The following AMPD2 variants were observed in gnomAD, a reference collection of about 807,000 sequenced individuals.
AMPD2 encodes the protein AMP deaminase 2.
A neutral mutation model predicts 91.3 loss-of-function variants in AMPD2; 52 were observed. The ratio of observed to expected loss-of-function variants is 0.57; its 90% CI spans 0.46 to 0.72. AMPD2 has a LOEUF of 0.72. AMPD2 is among the 30% of genes least tolerant of loss of function. The pLI, the probability that AMPD2 is intolerant of heterozygous loss-of-function variation, is 0.00. For missense variants in AMPD2, 822 were observed against 1,122.3 expected (o/e 0.73, Z 3.82); for synonymous variants, 455 against 456.4 (o/e 1.00, Z 0.04).
At position 109,621,241 on chromosome 1, in the gene AMPD2, C is replaced by T. The variant is rs1193667116; in HGVS notation, c.66C>T (p.Ser22=). Residue 22 remains serine, a synonymous_variant, in exon 2 of 19, where the codon AGC becomes AGT. Coordinates refer to ENST00000528667, the MANE Select transcript of AMPD2 (RefSeq NM_001368809.2). ...AATATCCCTTTAAGAAGCGGGCCAG[C>T]CTGCAGGCCTCCACTGCAGCTCCAG... ...KAKYPFKKRA[S]LQASTAAPEA... The T allele has an allele frequency of 1.9e-6, 3 of 1,612,668 alleles. No individual in the cohort carries two copies. The African/African-American group carries it at 4.0e-5, about 22-fold the overall frequency.
In AMPD2 at chr1:109,628,210, G is replaced by C. The variant is rs754312171; in HGVS notation, c.1208G>C (p.Arg403Pro). Residue 403 changes from arginine (R) to proline (P), a missense_variant, in exon 11 of 19, where the codon CGG (arginine) becomes CCG (proline). Coordinates refer to ENST00000528667, the MANE Select transcript of AMPD2 (RefSeq NM_001368809.2). This position sits in a 1 kb window ranked among gnomAD's most constrained non-coding sequence, Gnocchi z 7.1. ...GAGCAGGGCCGTGAACAGACGCTGC[G>C]GGAGGTCTTTGAGAGCATGAATCTC... The part of the protein sequence containing the change: ...HVEQGREQTL[R>P]EVFESMNLTA... 2 of 1,614,026 alleles carry C rather than the reference G, an allele frequency of 1.2e-6. No homozygotes were observed. Among genetic ancestry groups the C allele is most frequent in the South Asian group, 2.2e-5 (2 of 91,072 alleles).
At position 109,631,795 on chromosome 1, in the gene AMPD2, G is replaced by T; in HGVS notation, c.*643G>T. The T allele has an allele frequency of 6.4e-6, 1 of 155,108 alleles. No homozygotes were observed. Among genetic ancestry groups the T allele is most frequent in the Admixed American group, 6.4e-5 (1 of 15,746 alleles). The allele number at this position is 155,108 out of a possible 1,614,324, so 9.6% of individuals were successfully genotyped here. A position where few individuals can be genotyped will look rare whatever the true frequency, so the allele number is the denominator to read the frequency against. On this transcript the variant is annotated 3_prime_UTR_variant, in exon 19 of 19. Coordinates refer to ENST00000528667, the MANE Select transcript of AMPD2 (RefSeq NM_001368809.2). ...CCTGTCCCCAGCCCACGTGCTCCTT[G>T]GGTGTCAGCTTCCTGTGCCTCTGTG...
In AMPD2 at chr1:109,625,897, A is replaced by G; in HGVS notation, c.353+105A>G. On this transcript the variant is annotated intron_variant, in intron 4 of 18. Transcript: ENST00000528667. The surrounding 1 kb of genome is among the most constrained non-coding windows in gnomAD (Gnocchi z 4.0). ...TCGCACCCTGCCTTGGGGGGTCTGC[A>G]CAGGGAGCATAGAGTGGGCTTTGGA... is the stretch of plus-strand genomic sequence containing the variant. The G allele has an allele frequency of 1.3e-6, 2 of 1,516,844 alleles. No individual in the cohort carries two copies. The highest frequency in any genetic ancestry group is 1.8e-6 in the Non-Finnish European group (2 of 1,123,770). 94.0% of individuals were successfully genotyped at this position (1,516,844 alleles called of 1,614,324 possible).
Position 109,628,744 on chromosome 1 carries a change from G to A in AMPD2, c.1509G>A (p.Trp503Ter). ...ATGAGTGGGACAAGCTGGCGCGCTG[G>A]GCCGTCATGCACCGCGTGCACTCCC... is the stretch of plus-strand genomic sequence containing the variant. ...SRDEWDKLAR[W>*]AVMHRVHSPN... The change falls in exon 13 of 19, where the codon TGG (tryptophan) becomes TGA (stop). Residue 503 changes from tryptophan to a stop codon, truncating the protein, a stop_gained. Transcript: ENST00000528667. LOFTEE classifies it high-confidence loss of function. The surrounding 1 kb of genome is among the most constrained non-coding windows in gnomAD (Gnocchi z 7.1). 1 of 1,602,736 alleles carries A rather than the reference G, an allele frequency of 6.2e-7. No individual in the cohort carries two copies. Among genetic ancestry groups the A allele is most frequent in the Non-Finnish European group, 8.5e-7 (1 of 1,174,134 alleles).
In AMPD2 at chr1:109,630,874, A is replaced by T. The variant is rs1651189013; in HGVS notation, c.2269-69A>T. 2.7e-5 allele frequency: 44 copies of T among 1,601,702 alleles called. 1 individual carries two copies. The South Asian group carries it at 4.8e-4, about 17-fold the overall frequency. ...TTTGGGGTCCTGACCTGTCCCTGGG[A>T]TGGCTTGGGGTGGGGCATGACCCCT... On this transcript the variant is annotated intron_variant, in intron 18 of 18. Coordinates refer to ENST00000528667, the MANE Select transcript of AMPD2 (RefSeq NM_001368809.2).
intron 2 of AMPD2, among the ~76,000 whole-genome samples, chr1:109,621,749 A>G (rs1057162828): frequency 3.3e-5 from 5 of 152,160 alleles, no homozygotes; most frequent in South Asian, 4.1e-4. Context: ...GGGCACAACC[A>G]TTGCTGGCTG....
At chr1:109,629,713 T>C (rs2101171295) in intron 15 of AMPD2, 83 bp from the exon 16 acceptor site, 3 of 1,450,898 alleles carry the variant, frequency 2.1e-6, no homozygotes, top group Non-Finnish European at 2.7e-6. Context: ...GGAGGACATA[T>C]GCGTGCTGGG....
In AMPD2 at chr1:109,624,155, C is replaced by T. The variant is rs868152382; in HGVS notation, c.92-1148C>T. ...TCCTGGATCTGGGGCAGGCCCCTCC[C>T]TCTTCCCTTTGTCCAGCTTTGGGAC... On this transcript the variant is annotated intron_variant, in intron 2 of 18. Transcript: ENST00000528667. This position sits in a 1 kb window ranked among gnomAD's most constrained non-coding sequence, Gnocchi z 5.2. 2 of 864,528 alleles carry T rather than the reference C, an allele frequency of 2.3e-6. No homozygotes were observed. The highest frequency in any genetic ancestry group is 2.8e-6 in the Non-Finnish European group (2 of 719,354). The allele number at this position is 864,528 out of a possible 1,614,324, so 53.6% of individuals were successfully genotyped here.
In AMPD2 at chr1:109,630,369, T is replaced by C; in HGVS notation, c.2120T>C (p.Leu707Pro). ...EYLSRGLMVS[L>P]STDDPLQFHF... ...CTGTCCCGCGGCCTCATGGTCTCCC[T>C]GTCCACTGATGATCCCTTGCAGTTC... The change falls in exon 17 of 19, where the codon CTG becomes CCG. Residue 707 changes from leucine (L) to proline (P), a missense_variant. Physicochemically the swap from Leu to Pro is moderately conservative, Grantham distance 98. Transcript: ENST00000528667. 6.2e-7 allele frequency: 1 copy of C among 1,613,638 alleles called. No individual in the cohort carries two copies. Among genetic ancestry groups the C allele is most frequent in the Non-Finnish European group, 8.5e-7 (1 of 1,179,934 alleles).
Position 109,626,884 on chromosome 1 carries a change from A to T in AMPD2, c.690A>T (p.Glu230Asp). ...AGCCTCTGGAGACCCGGACCTATGA[A>T]CAGGGCCCCGACACCCCTGTGTCTG... ...AEKPLETRTY[E>D]QGPDTPVSAD... The change falls in exon 7 of 19, where the codon GAA becomes GAT. Residue 230 changes from glutamate to aspartate, a missense_variant. By Grantham distance (45) the Glu-to-Asp change is conservative. Transcript: ENST00000528667. 1 of 1,613,658 alleles carries T rather than the reference A, an allele frequency of 6.2e-7. No individual in the cohort carries two copies. Among genetic ancestry groups the T allele is most frequent in the Non-Finnish European group, 8.5e-7 (1 of 1,179,818 alleles).
rs760164880 is a variant in AMPD2 at position 109,625,385 on chromosome 1, G to A, written c.174G>A (p.Pro58=). ...CCGCCCCCTGCCTCAAGCACTTCCC[G>A]CTCGACCTGCGCACGTCTATGGATG... ...PGPAPCLKHF[P]LDLRTSMDGK... The change falls in exon 3 of 19, where the codon CCG becomes CCA. Residue 58 remains proline (P), a synonymous_variant. Coordinates refer to ENST00000528667, the MANE Select transcript of AMPD2 (RefSeq NM_001368809.2). The surrounding 1 kb of genome is among the most constrained non-coding windows in gnomAD (Gnocchi z 4.0). The A allele has an allele frequency of 5.0e-5, 81 of 1,613,730 alleles. No individual in the cohort carries two copies. Among genetic ancestry groups the A allele is most frequent in the Non-Finnish European group, 6.4e-5 (75 of 1,179,972 alleles).
chr1:109,626,146 C>A lies in AMPD2; in HGVS notation c.354-14C>A, dbSNP rs1452373419. ...CTCGGGATCTGCCTGACTTCTCACCCCTCTTGCCTCTAGGCTGGAGCCAGA... is the reference window on the plus strand; with the variant it reads ...CTCGGGATCTGCCTGACTTCTCACCACTCTTGCCTCTAGGCTGGAGCCAGA... On this transcript the variant is annotated splice_polypyrimidine_tract_variant and intron_variant, in intron 4 of 18. Transcript: ENST00000528667. 1.9e-6 allele frequency: 3 copies of A among 1,613,954 alleles called. No homozygotes were observed. The highest frequency in any genetic ancestry group is 2.5e-6 in the Non-Finnish European group (3 of 1,180,012).
rs890140809 is a variant in AMPD2, at chr1:109,625,483, C to T, written c.222+50C>T. 3 of 1,611,624 alleles carry T rather than the reference C, an allele frequency of 1.9e-6. No homozygotes were observed. In the African/African-American group the frequency reaches 4.0e-5, roughly 22 times the overall value. ...CTCACCCCGTGTCTCCATGCCCTGC[C>T]TCTGCTCCCCACACCCCTCACCTCA... On this transcript the variant is annotated intron_variant, in intron 3 of 18. Transcript: ENST00000528667. This position sits in a 1 kb window ranked among gnomAD's most constrained non-coding sequence, Gnocchi z 4.0.
chr1:109,628,004 G>T lies in AMPD2; in HGVS notation c.1081-79G>T. 6.3e-7 allele frequency: 1 copy of T among 1,598,360 alleles called. No individual in the cohort carries two copies. Among genetic ancestry groups the T allele is most frequent in the Non-Finnish European group, 8.5e-7 (1 of 1,171,014 alleles). On this transcript the variant is annotated intron_variant, in intron 10 of 18. Coordinates refer to ENST00000528667, the MANE Select transcript of AMPD2 (RefSeq NM_001368809.2). This position sits in a 1 kb window ranked among gnomAD's most constrained non-coding sequence, Gnocchi z 7.1. ...CCCCCACACAGCATCCAGTACAGAG[G>T]GTCCTTTCCCATTGCACTGCCCCAG...
At position 109,620,144 on chromosome 1, in the gene AMPD2, A is replaced by G. The variant is rs1371179909; in HGVS notation, c.-397A>G. 1 of 1,357,294 alleles carries G rather than the reference A, an allele frequency of 7.4e-7. No individual in the cohort carries two copies. Among genetic ancestry groups the G allele is most frequent in the East Asian group, 2.3e-5 (1 of 43,196 alleles). The allele number at this position is 1,357,294 out of a possible 1,614,324, so 84.1% of individuals were successfully genotyped here. On this transcript the variant is annotated 5_prime_UTR_variant, in exon 1 of 19. Transcript: ENST00000528667. ...GCCTTACTTTCCCCATCTCAGTGCC[A>G]GGGCAGGGGCCCTTGGAGTGACTTG...
chr1:109,628,705 C>A lies in AMPD2; in HGVS notation c.1470C>A (p.Tyr490Ter). The A allele has an allele frequency of 6.2e-7, 1 of 1,613,398 alleles. No individual in the cohort carries two copies. The highest frequency in any genetic ancestry group is 8.5e-7 in the Non-Finnish European group (1 of 1,179,684). Reference protein sequence around the residue: ...YQNAELRLSIYGRSRDEWDKL... With the variant: ...YQNAELRLSI ...ATGCAGAGCTGCGGCTCTCCATTTA[C>A]GGGCGCTCGAGGGATGAGTGGGACA... Residue 490 changes from tyrosine to a stop codon, truncating the protein, a stop_gained, in exon 13 of 19, where the codon TAC becomes TAA. Transcript: ENST00000528667. LOFTEE classifies it high-confidence loss of function. The surrounding 1 kb of genome is among the most constrained non-coding windows in gnomAD (Gnocchi z 7.1).
chr1:109,628,334 G>T lies in AMPD2; in HGVS notation c.1276-30G>T. 1 of 1,613,606 alleles carries T rather than the reference G, an allele frequency of 6.2e-7. No homozygotes were observed. The highest frequency in any genetic ancestry group is 8.5e-7 in the Non-Finnish European group (1 of 1,179,730). ...AGTCAGTCAGGGGACCAGGAGTCAC[G>T]GGTGACCTGAGCCTTCCCATGTCCC... On this transcript the variant is annotated intron_variant, in intron 11 of 18. Coordinates refer to ENST00000528667, the MANE Select transcript of AMPD2 (RefSeq NM_001368809.2). The surrounding 1 kb of genome is among the most constrained non-coding windows in gnomAD (Gnocchi z 7.1).
At chr1:109,620,818 A>G in intron 1 of AMPD2, 96 bp from the exon 2 acceptor site, 1 of 1,353,014 alleles carries the variant, frequency 7.4e-7, no homozygotes, top group Non-Finnish European at 9.5e-7. Context: ...GAGCCCTGGC[A>G]TGATGGGGTG....
rs1227862414 is a variant in AMPD2, at chr1:109,630,237, C to G, written c.1988C>G (p.Pro663Arg). 2 of 1,612,458 alleles carry G rather than the reference C, an allele frequency of 1.2e-6. No homozygotes were observed. The highest frequency in any genetic ancestry group is 1.7e-5 in the Admixed American group (1 of 60,012). Residue 663 changes from proline (P) to arginine (R), a missense_variant, in exon 17 of 19, where the codon CCC becomes CGC. By Grantham distance (103) the Pro-to-Arg change is moderately radical. Transcript: ENST00000528667. Reference sequence around the variant, plus strand: ...CCCTCCCTGTTGCCTGCCCAGGCCCCCGTCCTGCAGTACCTGTACTACCTG... The same window carrying G: ...CCCTCCCTGTTGCCTGCCCAGGCCCGCGTCCTGCAGTACCTGTACTACCTG... ...ISHGLLLRKAPVLQYLYYLAQ... is the reference protein window; with the variant it reads ...ISHGLLLRKARVLQYLYYLAQ...
Sources: allele counts gnomAD v4.1 joint callset (sites outside exome capture counted in the v4.1 genomes callset), GRCh38; gene constraint gnomAD v4.1.1; non-coding constraint Gnocchi (gnomAD v3.1); transcripts MANE v1.5; gene names NCBI Gene and HGNC (gene_info 2026-07-23, HGNC 2026-07-21).